Variants in COL22A1 observed in about 807,000 individuals in gnomAD.
COL22A1 encodes the protein collagen alpha-1(XXII) chain.
In COL22A1, 221 loss-of-function variants were observed where a neutral mutation model predicts 248.9. That is an observed-to-expected ratio of 0.89 (90% CI 0.80 to 0.99). The LOEUF is 0.99. Ranked by LOEUF, COL22A1 falls within the 50% of genes least tolerant of loss-of-function variation. COL22A1 has a pLI of 0.00. For missense variants in COL22A1, 2,240 were observed against 2,179.0 expected, an observed-to-expected ratio of 1.03 and a Z score of -0.56; for synonymous variants, 891 against 793.4, an observed-to-expected ratio of 1.12 and a Z score of -2.07.
intron 4 of COL22A1, among the ~76,000 whole-genome samples, chr8:138,837,936 G>A (rs1258753325): frequency 6.6e-6 from 1 of 152,192 alleles, no homozygotes. Flanking sequence ...ATGTAGGGGT[G>A]AGGACGTGCC....
At chr8:138,610,964 G>A (rs1248120873) in intron 56 of COL22A1, among the ~76,000 whole-genome samples, 1 of 152,206 alleles carries the variant, frequency 6.6e-6, no homozygotes, top group African/African-American at 2.4e-5. Flanking sequence ...TACTTGGGAA[G>A]CTGAGACAGG....
intron 22 of COL22A1, among the ~76,000 whole-genome samples, chr8:138,739,913 C>G (rs548064626): frequency 1.3e-4 from 20 of 152,326 alleles, no homozygotes; most frequent in African/African-American, 4.3e-4. Context: ...CAATGAGTTT[C>G]TTGATACTTG....
chr8:138,651,724 C>CATGGATGGATGGATGGATGG (rs1255345523), intron 45 of COL22A1, among the ~76,000 whole-genome samples: 18 of 152,096 alleles, frequency 1.2e-4, no homozygotes, highest in African/African-American at 3.9e-4. Flanking sequence ...TGGATGGATG[C>CATGGATGGATGGATGGATGG]ACGGATGGAT....
In COL22A1 at chr8:138,607,910, T is replaced by A. The variant is rs80158504; in HGVS notation, c.4032+26A>T. 1.1e-3 allele frequency: 1,749 copies of A among 1,611,832 alleles called. 16 individuals carry two copies. The African/African-American group carries it at 0.021, about 19-fold the overall frequency. On this transcript the variant is annotated intron_variant, in intron 57 of 64. Transcript: ENST00000303045. ...CCTTTCAAAGCCCACCCTGATGCCA[T>A]CACATAGCAGCCAAAGAGAACTCAC...
At chr8:138,777,898 T>A in intron 15 of COL22A1, 1 of 186,980 alleles carries the variant, frequency 5.3e-6, no homozygotes, top group East Asian at 1.7e-4. Context: ...TTGTTCCTCA[T>A]ACACCATATC....
intron 3 of COL22A1, among the ~76,000 whole-genome samples, chr8:138,876,971 T>C (rs1823763305): frequency 6.6e-6 from 1 of 152,206 alleles, no homozygotes; most frequent in Non-Finnish European, 1.5e-5. Context: ...AGGCAGAAGC[T>C]GGAGACAGTC....
intron 60 of COL22A1, among the ~76,000 whole-genome samples, chr8:138,601,851 G>T (rs1277146321): frequency 6.6e-6 from 1 of 152,042 alleles, no homozygotes; most frequent in African/African-American, 2.4e-5. Flanking sequence ...TAATTGTGAT[G>T]ATTTTAGTCC....
chr8:138,748,305 G>A (rs755231802), intron 22 of COL22A1, among the ~76,000 whole-genome samples: 17 of 152,132 alleles, frequency 1.1e-4, no homozygotes, highest in Admixed American at 9.8e-4. Context: ...CTCCTTAGCC[G>A]ACCTGTGAGC....
At chr8:138,674,499 C>T (rs7844565) in intron 41 of COL22A1, among the ~76,000 whole-genome samples, 24,987 of 152,208 alleles carry the variant, frequency 0.16, 2,265 homozygotes, top group South Asian at 0.2. Flanking sequence ...TTTAATAAGT[C>T]CAAGAGGTAG....
At chr8:138,631,930 T>C (rs777276686) in intron 49 of COL22A1, among the ~76,000 whole-genome samples, 12 of 152,154 alleles carry the variant, frequency 7.9e-5, no homozygotes, top group Non-Finnish European at 1.5e-4. Flanking sequence ...TAGTTCCTCA[T>C]TGGAACTAAA....
intron 22 of COL22A1, among the ~76,000 whole-genome samples, chr8:138,746,107 C>A (rs1832084350): frequency 1.3e-5 from 2 of 152,208 alleles, no homozygotes; most frequent in East Asian, 3.9e-4. Context: ...TGGAAAAATA[C>A]CAGCTTTGTC....
At chr8:138,908,048 T>TC (rs1258407909) in intron 1 of COL22A1, among the ~76,000 whole-genome samples, 1 of 151,524 alleles carries the variant, frequency 6.6e-6, no homozygotes, top group Admixed American at 6.6e-5. Flanking sequence ...CCCTCCCCAC[T>TC]CCCCCACACA....
intron 1 of COL22A1, among the ~76,000 whole-genome samples, chr8:138,885,626 G>A (rs1483248139): frequency 1.3e-5 from 2 of 152,002 alleles, no homozygotes; most frequent in African/African-American, 4.8e-5. Flanking sequence ...TTGTTGCCCA[G>A]ACTGAAGGCT....
At chr8:138,623,678 T>C in intron 52 of COL22A1, 54 bp downstream of exon 52, 3 of 1,464,948 alleles carry the variant, frequency 2.0e-6, no homozygotes, top group East Asian at 2.3e-5. Flanking sequence ...GTAGTTGTTT[T>C]TGACATGTAA....
At chr8:138,780,209 G>A (rs1006425766) in intron 13 of COL22A1, among the ~76,000 whole-genome samples, 2 of 152,178 alleles carry the variant, frequency 1.3e-5, no homozygotes, top group Non-Finnish European at 2.9e-5. Context: ...AGTGGAGTGA[G>A]AAGAGAGTCT....
At chr8:138,719,467 T>C (rs867731211) in intron 27 of COL22A1, among the ~76,000 whole-genome samples, 1 of 152,182 alleles carries the variant, frequency 6.6e-6, no homozygotes, top group Non-Finnish European at 1.5e-5. Flanking sequence ...GGGAGGCTCA[T>C]AGTGGCTCTT....
At chr8:138,667,210 C>T (rs1222501645) in intron 41 of COL22A1, among the ~76,000 whole-genome samples, 4 of 152,194 alleles carry the variant, frequency 2.6e-5, no homozygotes, top group Non-Finnish European at 4.4e-5. Flanking sequence ...GCCTCTGATG[C>T]GTTTGTTCAA....
intron 62 of COL22A1, among the ~76,000 whole-genome samples, chr8:138,594,556 C>T (rs576876169): frequency 6.6e-5 from 10 of 152,274 alleles, no homozygotes; most frequent in Admixed American, 2.6e-4. Flanking sequence ...AGCTACTTGA[C>T]CATTCTCAGC....
At chr8:138,805,795 GGT>G (rs752890777) in intron 10 of COL22A1, among the ~76,000 whole-genome samples, 12 of 95,126 alleles carry the variant, frequency 1.3e-4, no homozygotes, top group Non-Finnish European at 2.1e-4. Flanking sequence ...GGTGCGTGAT[GGT>G]GTGTGTCTGT....
Sources: gnomAD v4.1 joint callset for allele counts (sites outside exome capture counted in the v4.1 genomes callset) on GRCh38, gnomAD v4.1.1 for gene constraint, MANE v1.5 for transcripts, NCBI Gene and HGNC (gene_info 2026-07-23, HGNC 2026-07-21) for gene names.